ZNF610: variants seen among roughly 807,000 people sequenced by gnomAD.
ZNF610 encodes zinc finger protein 610.
Under a neutral mutation model 14.1 loss-of-function variants are expected in ZNF610, and 14 were observed. The ratio of observed to expected loss-of-function variants is 0.99; its 90% CI spans 0.65 to 1.55. The LOEUF (loss-of-function observed/expected upper bound fraction) is 1.55. Ranked by LOEUF, ZNF610 falls within the 40% of genes most tolerant of loss-of-function variation. The probability of loss-of-function intolerance (pLI) is 0.00; values close to 1 mark genes in which losing one functional copy is unlikely to be tolerated. For missense variants in ZNF610, 530 were observed against 558.0 expected (o/e 0.95, Z 0.51); for synonymous variants, 185 against 187.6 (o/e 0.99, Z 0.11).
chr19:52,366,657 C>G lies in ZNF610; in HGVS notation c.1279C>G (p.Pro427Ala). The part of the protein sequence containing the change: ...NHQRIHTGER[P>A]YKCNACGKVF... ...TCAGAGAATTCATACTGGAGAGAGA[C>G]CTTACAAGTGTAATGCATGTGGCAA... The change falls in exon 6 of 6, where the codon CCT becomes GCT. Residue 427 changes from proline to alanine, a missense_variant. By Grantham distance (27) the Pro-to-Ala change is conservative. Transcript: ENST00000403906. The G allele has an allele frequency of 6.2e-7, 1 of 1,614,202 alleles. No individual in the cohort carries two copies. The highest frequency in any genetic ancestry group is 8.5e-7 in the Non-Finnish European group (1 of 1,180,030).
chr19:52,366,237 C>G lies in ZNF610; in HGVS notation c.859C>G (p.Pro287Ala), dbSNP rs2063134641. The G allele has an allele frequency of 1.2e-6, 2 of 1,614,064 alleles. No homozygotes were observed. Among genetic ancestry groups the G allele is most frequent in the Non-Finnish European group, 1.7e-6 (2 of 1,180,008 alleles). ...RHQRIHTGEK[P>A]HKCNECGKAF... ...TCAAAGAATTCATACTGGAGAGAAG[C>G]CTCACAAATGTAACGAATGTGGCAA... is the stretch of plus-strand genomic sequence containing the variant. Residue 287 changes from proline (P) to alanine (A), a missense_variant, in exon 6 of 6, where the codon CCT (proline) becomes GCT (alanine). Pro to Ala is a conservative substitution (Grantham distance 27). Transcript: ENST00000403906.
upstream of ZNF610, among the ~76,000 whole-genome samples, chr19:52,333,577 C>A (rs1984257368): frequency 6.6e-6 from 1 of 152,320 alleles, no homozygotes; most frequent in Non-Finnish European, 1.5e-5. Flanking sequence ...ACTGTTGTTA[C>A]CTCTCTTCTA....
At chr19:52,336,673 G>T (rs1176637281) in intron 1 of ZNF610, among the ~76,000 whole-genome samples, 167 bp downstream of exon 1, 1 of 152,164 alleles carries the variant, frequency 6.6e-6, no homozygotes, top group Non-Finnish European at 1.5e-5. Context: ...AGTCCCGGCG[G>T]GGGAGGCCGC....
chr19:52,341,055 A>G (rs1169653355), intron 1 of ZNF610, among the ~76,000 whole-genome samples: 2 of 152,156 alleles, frequency 1.3e-5, no homozygotes, highest in African/African-American at 2.4e-5. Flanking sequence ...ATACTCACTC[A>G]CTAAAGCCTT....
chr19:52,357,644 CAAAAAAAAAAA>C (rs71180445), intron 5 of ZNF610, among the ~76,000 whole-genome samples: 4 of 57,530 alleles, frequency 7.0e-5, no homozygotes, highest in Admixed American at 5.0e-4. Context: ...GCCTCCATCT[CAAAAAAAAAAA>C]AAAAAAAAAA....
In ZNF610 at chr19:52,353,729, G is replaced by A. The variant is rs141014871; in HGVS notation, c.111G>A (p.Glu37=). ...MDVAIEFSQE[E]WKSLDPGQRA... is the part of the protein sequence containing the mutation. ...TGGCCATCGAATTCTCTCAGGAGGAGTGGAAATCCCTGGACCCTGGACAGA... is the reference window on the plus strand; with the variant it reads ...TGGCCATCGAATTCTCTCAGGAGGAATGGAAATCCCTGGACCCTGGACAGA... The change falls in exon 4 of 6, where the codon GAG becomes GAA. Residue 37 remains glutamate, a synonymous_variant. Transcript: ENST00000403906. The A allele has an allele frequency of 1.3e-4, 215 of 1,614,052 alleles. 1 individual carries two copies. The Admixed American group carries it at 1.3e-3, about 10-fold the overall frequency.
rs528866570 is a variant in ZNF610, at chr19:52,350,933, G to A, written c.63+1698G>A. 3.9e-5 allele frequency among the ~76,000 whole-genome samples: 6 copies of A among 152,304 alleles called. No homozygotes were observed. In the East Asian group the frequency reaches 1.2e-3, roughly 29 times the overall value. On this transcript the variant is annotated intron_variant, in intron 3 of 5. Transcript: ENST00000403906. ...GAGAATCGCTTGAACCCGGGAGGTG[G>A]AGGCTGCAGTGAGCCAAGATCGCAC...
chr19:52,366,532 C>T lies in ZNF610; in HGVS notation c.1154C>T (p.Pro385Leu), dbSNP rs780673696. 9.3e-6 allele frequency: 15 copies of T among 1,614,020 alleles called. 1 individual carries two copies. Among genetic ancestry groups the T allele is most frequent in the Admixed American group, 3.3e-5 (2 of 59,996 alleles). Residue 385 changes from proline (P) to leucine (L), a missense_variant, in exon 6 of 6, where the codon CCG (proline) becomes CTG (leucine). Physicochemically the swap from Pro to Leu is moderately conservative, Grantham distance 98. Transcript: ENST00000403906. ...NECGRAFHKR[P>L]GLMAHLLIHT... The stretch of plus-strand genomic sequence containing the variant: ...TGTGGAAGAGCATTTCACAAGCGTC[C>T]GGGCCTTATGGCCCATCTTCTAATC...
In ZNF610 at chr19:52,367,443, G is replaced by A. The variant is rs1390540134; in HGVS notation, c.*676G>A. The A allele has an allele frequency of 1.3e-5, 2 of 152,102 alleles. No homozygotes were observed. Among genetic ancestry groups the A allele is most frequent in the Non-Finnish European group, 2.9e-5 (2 of 68,034 alleles). The allele number at this position is 152,102 out of a possible 1,614,324, so 9.4% of individuals were successfully genotyped here. Reference sequence around the variant, plus strand: ...CCCGGCCTAGTTTAAATTTTTCTTAGTGTGAATGAATTACATCCTTTCTAC... The same window carrying A: ...CCCGGCCTAGTTTAAATTTTTCTTAATGTGAATGAATTACATCCTTTCTAC... On this transcript the variant is annotated 3_prime_UTR_variant, in exon 6 of 6. Coordinates refer to ENST00000403906, the MANE Select transcript of ZNF610 (RefSeq NM_001161425.2).
chr19:52,341,661 C>A (rs925974368), intron 1 of ZNF610, among the ~76,000 whole-genome samples: 1 of 150,548 alleles, frequency 6.6e-6, no homozygotes, highest in Non-Finnish European at 1.5e-5. Flanking sequence ...GGGCCTCACT[C>A]TATTGCACAG....
chr19:52,331,108 G>A, the ZNF610 span, among the ~76,000 whole-genome samples: 1 of 152,170 alleles, frequency 6.6e-6, no homozygotes, highest in Admixed American at 6.5e-5. Context: ...ATGGCAGGGA[G>A]AGAATGTGAG....
intron 5 of ZNF610, among the ~76,000 whole-genome samples, chr19:52,357,551 C>G (rs1256541622): frequency 6.8e-6 from 1 of 148,092 alleles, no homozygotes; most frequent in Non-Finnish European, 1.5e-5. Context: ...AGGCTGAGCC[C>G]GGAGAATGGC....
intron 1 of ZNF610, among the ~76,000 whole-genome samples, chr19:52,346,424 A>G (rs1052784755): frequency 1.3e-5 from 2 of 151,846 alleles, no homozygotes; most frequent in African/African-American, 2.4e-5. Flanking sequence ...CGGCCTCCCA[A>G]TGTGTTAGGA....
chr19:52,365,782 A>G lies in ZNF610; in HGVS notation c.404A>G (p.Glu135Gly). The G allele has an allele frequency of 6.2e-7, 1 of 1,614,192 alleles. No individual in the cohort carries two copies. Among genetic ancestry groups the G allele is most frequent in the Non-Finnish European group, 8.5e-7 (1 of 1,180,030 alleles). Residue 135 changes from glutamate to glycine, a missense_variant, in exon 6 of 6, where the codon GAA becomes GGA. Transcript: ENST00000403906. The stretch of plus-strand genomic sequence containing the variant: ...TTAACCCTTGAGGCACATCTGTCTG[A>G]ATTGCAGCTGTTTCAAGCCGGAAGG... ...LGLTLEAHLSELQLFQAGRKI... is the reference protein window; with the variant it reads ...LGLTLEAHLSGLQLFQAGRKI...
At chr19:52,365,504 G>C (rs1324843777) in intron 5 of ZNF610, among the ~76,000 whole-genome samples, 194 bp from the exon 6 acceptor site, 2 of 151,954 alleles carry the variant, frequency 1.3e-5, no homozygotes, top group Non-Finnish European at 2.9e-5. Context: ...TAATCCTCCC[G>C]AGTCCTGCAG....
intron 5 of ZNF610, among the ~76,000 whole-genome samples, chr19:52,363,124 C>CT (rs1377180901): frequency 6.1e-5 from 9 of 148,192 alleles, no homozygotes; most frequent in African/African-American, 2.3e-4. Context: ...TTGGTTCTAT[C>CT]CCCTTTTTTT....
chr19:52,342,826 T>G (rs1984751905), intron 1 of ZNF610, among the ~76,000 whole-genome samples: 2 of 152,140 alleles, frequency 1.3e-5, no homozygotes, highest in African/African-American at 4.8e-5. Flanking sequence ...CGCCTGGCCC[T>G]GTTTAACATT....
intron 1 of ZNF610, among the ~76,000 whole-genome samples, chr19:52,340,751 ACTCACTACAACCCCTGC>A: frequency 6.6e-6 from 1 of 151,760 alleles, no homozygotes; most frequent in South Asian, 2.1e-4. Context: ...CGCAATCTCC[ACTCACTACAACCCCTGC>A]CTCCCGGGTT....
At chr19:52,349,654 C>T (rs1985152060) in intron 3 of ZNF610, among the ~76,000 whole-genome samples, 1 of 151,488 alleles carries the variant, frequency 6.6e-6, no homozygotes, top group South Asian at 2.1e-4. Flanking sequence ...CTCGCTGCAA[C>T]CTCCGCCTCC....
Sources: allele counts gnomAD v4.1 joint callset (sites outside exome capture counted in the v4.1 genomes callset), GRCh38; gene constraint gnomAD v4.1.1; transcripts MANE v1.5; gene names NCBI Gene and HGNC (gene_info 2026-07-23, HGNC 2026-07-21).